Variants in RFX3 observed in about 807,000 individuals in gnomAD.
RFX3 encodes the protein regulatory factor X3, also known as transcription factor RFX3.
Under a neutral mutation model 98.6 loss-of-function variants are expected in RFX3, and 14 were observed. That is an observed-to-expected ratio of 0.14 (90% CI 0.09 to 0.22). The LOEUF (loss-of-function observed/expected upper bound fraction) is 0.22, where lower values mean the gene tolerates loss of function less well. Ranked by LOEUF, RFX3 falls within the 10% of genes least tolerant of loss-of-function variation. The pLI, the probability that RFX3 is intolerant of heterozygous loss-of-function variation, is 1.00. For synonymous variants in RFX3, 383 were observed against 328.4 expected (o/e 1.17, Z -1.80); for missense variants, 639 against 926.9 (o/e 0.69, Z 4.03).
At chr9:3,484,120 C>T (rs1850047912) in intron 1 of RFX3, among the ~76,000 whole-genome samples, 1 of 152,146 alleles carries the variant, frequency 6.6e-6, no homozygotes, top group South Asian at 2.1e-4. Context: ...CTTTACATAG[C>T]TTCATCTCAC....
At chr9:3,380,540 A>C (rs1839070586) in intron 2 of RFX3, among the ~76,000 whole-genome samples, 1 of 152,188 alleles carries the variant, frequency 6.6e-6, no homozygotes, top group South Asian at 2.1e-4. Context: ...GATTTGCTTA[A>C]CACCATATAG....
chr9:3,467,061 T>C (rs1260108560), intron 1 of RFX3, among the ~76,000 whole-genome samples: 1 of 144,282 alleles, frequency 6.9e-6, no homozygotes, highest in Non-Finnish European at 1.5e-5. Context: ...TATACATACA[T>C]ATATATAAGT....
intron 1 of RFX3, among the ~76,000 whole-genome samples, chr9:3,454,112 A>G (rs1313277438): frequency 2.0e-5 from 3 of 152,222 alleles, no homozygotes; most frequent in African/African-American, 4.8e-5. Flanking sequence ...ACTCTTTGCT[A>G]TGAATTAGGA....
At chr9:3,312,180 GTACATGTATA>G (rs1298705582) in intron 4 of RFX3, among the ~76,000 whole-genome samples, 1 of 152,124 alleles carries the variant, frequency 6.6e-6, no homozygotes, top group African/African-American at 2.4e-5. Context: ...ATGTATACAT[GTACATGTATA>G]TACATAGTCA....
At chr9:3,342,718 T>C (rs372433580) in intron 3 of RFX3, among the ~76,000 whole-genome samples, 30 of 152,250 alleles carry the variant, frequency 2.0e-4, no homozygotes, top group African/African-American at 6.5e-4. Flanking sequence ...TGAAATGAAC[T>C]CTCTCTACAT....
chr9:3,346,518 C>G, intron 3 of RFX3, 149 bp downstream of exon 3: 1 of 589,276 alleles, frequency 1.7e-6, no homozygotes, highest in Non-Finnish European at 3.0e-6. Context: ...TAGACAAAAG[C>G]TCTAAACATC....
At chr9:3,249,876 G>A (rs919070288) in intron 14 of RFX3, among the ~76,000 whole-genome samples, 2 of 152,060 alleles carry the variant, frequency 1.3e-5, no homozygotes, top group East Asian at 3.9e-4. Context: ...ATCATAAATA[G>A]TAGGTCTAGT....
At chr9:3,458,320 T>TA (rs560620055) in intron 1 of RFX3, among the ~76,000 whole-genome samples, 23 of 152,194 alleles carry the variant, frequency 1.5e-4, no homozygotes, top group Non-Finnish European at 2.6e-4. Flanking sequence ...ATGCCATTGA[T>TA]ATAGACAGAT....
At chr9:3,393,364 T>C (rs994858313) in intron 2 of RFX3, among the ~76,000 whole-genome samples, 2 of 152,134 alleles carry the variant, frequency 1.3e-5, no homozygotes, top group African/African-American at 2.4e-5. Context: ...AAATATTTGA[T>C]AATATGTAAA....
chr9:3,371,261 A>C (rs1004634704), intron 2 of RFX3, among the ~76,000 whole-genome samples: 1 of 152,140 alleles, frequency 6.6e-6, no homozygotes, highest in Non-Finnish European at 1.5e-5. Flanking sequence ...TTGCCAGTGG[A>C]GTTAAGATAA....
At chr9:3,444,880 CAGAA>C (rs1014495185) in intron 1 of RFX3, among the ~76,000 whole-genome samples, 9 of 152,282 alleles carry the variant, frequency 5.9e-5, no homozygotes, top group Middle Eastern at 3.4e-3. Flanking sequence ...TTCTCAGTCA[CAGAA>C]AGAGTTGAAG....
At chr9:3,487,492 A>C (rs1291989644) in intron 1 of RFX3, among the ~76,000 whole-genome samples, 1 of 152,156 alleles carries the variant, frequency 6.6e-6, no homozygotes, top group Non-Finnish European at 1.5e-5. Flanking sequence ...GAAAGCAATA[A>C]AAGTAAAGTA....
At chr9:3,386,320 AAAT>A (rs1202931325) in intron 2 of RFX3, among the ~76,000 whole-genome samples, 2 of 152,088 alleles carry the variant, frequency 1.3e-5, no homozygotes, top group Admixed American at 6.6e-5. Flanking sequence ...ATAACAATGA[AAAT>A]AATAATAGTA....
chr9:3,346,399 A>AT (rs1036396144), intron 3 of RFX3, among the ~76,000 whole-genome samples: 1 of 152,242 alleles, frequency 6.6e-6, no homozygotes, highest in African/African-American at 2.4e-5. Flanking sequence ...GGGTATATAC[A>AT]TTTTTTCTCT....
intron 1 of RFX3, among the ~76,000 whole-genome samples, chr9:3,408,262 G>A (rs1388782848): frequency 6.6e-6 from 1 of 152,082 alleles, no homozygotes; most frequent in African/African-American, 2.4e-5. Context: ...GAGAAGTAGA[G>A]CTTTAAGGAA....
At chr9:3,277,720 A>G (rs1041034660) in intron 7 of RFX3, among the ~76,000 whole-genome samples, 9 of 152,006 alleles carry the variant, frequency 5.9e-5, no homozygotes, top group Non-Finnish European at 7.4e-5. Flanking sequence ...TGAAAGAATT[A>G]TAAGGTATTT....
intron 1 of RFX3, among the ~76,000 whole-genome samples, chr9:3,427,206 T>C (rs1285430097): frequency 1.4e-5 from 2 of 146,070 alleles, no homozygotes; most frequent in Non-Finnish European, 3.0e-5. Flanking sequence ...TATACTATAC[T>C]ATATAATAAA....
chr9:3,402,438 T>G (rs1841563665), intron 1 of RFX3, among the ~76,000 whole-genome samples: 3 of 152,088 alleles, frequency 2.0e-5, no homozygotes. Flanking sequence ...TTAACCAAAA[T>G]TATTATGATA....
chr9:3,429,440 A>T (rs1044003379), intron 1 of RFX3, among the ~76,000 whole-genome samples: 3 of 150,530 alleles, frequency 2.0e-5, no homozygotes, highest in African/African-American at 4.9e-5. Context: ...ATATAATATA[A>T]TTGTGTGTGT....
Sources: allele counts gnomAD v4.1 joint callset (sites outside exome capture counted in the v4.1 genomes callset), GRCh38; gene constraint gnomAD v4.1.1; transcripts MANE v1.5; gene names NCBI Gene and HGNC (gene_info 2026-07-23, HGNC 2026-07-21).